The following ZCCHC7 variants were observed in gnomAD, a reference collection of about 807,000 sequenced individuals.
The protein encoded by ZCCHC7 is zinc finger CCHC-type containing 7, also known as zinc finger CCHC domain-containing protein 7.
In ZCCHC7, 35 loss-of-function variants were observed where a neutral mutation model predicts 52.0. The ratio of observed to expected loss-of-function variants is 0.67; its 90% CI spans 0.51 to 0.89. ZCCHC7 has a LOEUF of 0.89. Among genes scored for constraint, ZCCHC7 ranks in the 40% least tolerant of loss-of-function variants. ZCCHC7 has a pLI of 0.00. For synonymous variants in ZCCHC7, 217 were observed against 221.5 expected (o/e 0.98, Z 0.18); for missense variants, 574 against 649.1 (o/e 0.88, Z 1.26).
At chr9:37,135,105 G>A (rs1301036528) in intron 2 of ZCCHC7, among the ~76,000 whole-genome samples, 1 of 152,000 alleles carries the variant, frequency 6.6e-6, no homozygotes, top group South Asian at 2.1e-4. Context: ...ATATCCTGGC[G>A]ATCAATCCAT....
intron 2 of ZCCHC7, among the ~76,000 whole-genome samples, chr9:37,246,086 T>G (rs1326140975): frequency 6.6e-6 from 1 of 152,066 alleles, no homozygotes; most frequent in East Asian, 1.9e-4. Flanking sequence ...ATAGCAGGGG[T>G]TGGGCAGATG....
At chr9:37,341,941 T>G (rs567447687) in intron 6 of ZCCHC7, among the ~76,000 whole-genome samples, 14 of 152,126 alleles carry the variant, frequency 9.2e-5, no homozygotes, top group Non-Finnish European at 1.5e-4. Flanking sequence ...GGATGCAAAT[T>G]ACAGGCCATT....
chr9:37,244,705 T>A (rs1356813850), intron 2 of ZCCHC7, among the ~76,000 whole-genome samples: 1 of 151,922 alleles, frequency 6.6e-6, no homozygotes, highest in Non-Finnish European at 1.5e-5. Context: ...TTGCACTGTT[T>A]GTTGGCTATG....
At chr9:37,241,482 A>T (rs1825871146) in intron 2 of ZCCHC7, among the ~76,000 whole-genome samples, 1 of 151,854 alleles carries the variant, frequency 6.6e-6, no homozygotes, top group African/African-American at 2.4e-5. Flanking sequence ...AGCAAAAAAG[A>T]TATGTAAATT....
At chr9:37,347,022 A>G (rs908541409) in intron 6 of ZCCHC7, among the ~76,000 whole-genome samples, 4 of 152,138 alleles carry the variant, frequency 2.6e-5, no homozygotes, top group African/African-American at 9.7e-5. Context: ...GCAGACTAGC[A>G]CTGTTTGTTA....
Position 37,217,486 on chromosome 9 carries a change from A to AT in ZCCHC7, c.611-84698dup, listed in dbSNP as rs1388560879. Among the ~76,000 whole-genome samples the AT allele has an allele frequency of 2.6e-5, 4 of 152,128 alleles. No homozygotes were observed. The East Asian group carries it at 7.7e-4, about 29-fold the overall frequency. On this transcript the variant is annotated intron_variant, in intron 2 of 8. Coordinates refer to ENST00000336755, the MANE Select transcript of ZCCHC7 (RefSeq NM_032226.3). The stretch of plus-strand genomic sequence containing the variant: ...ATAATACAAAAATAAAACCTATAGT[A>AT]TTTTGGCACCTTATAAAGCTCCCCT...
At chr9:37,213,530 A>C (rs1824348345) in intron 2 of ZCCHC7, among the ~76,000 whole-genome samples, 1 of 152,128 alleles carries the variant, frequency 6.6e-6, no homozygotes, top group Non-Finnish European at 1.5e-5. Flanking sequence ...CAAGGTGTCA[A>C]ATTCAGAATA....
At chr9:37,196,529 T>C (rs944202146) in intron 2 of ZCCHC7, among the ~76,000 whole-genome samples, 3 of 152,194 alleles carry the variant, frequency 2.0e-5, no homozygotes, top group Non-Finnish European at 4.4e-5. Flanking sequence ...TGGGACTTAT[T>C]ATAGTAGAAC....
chr9:37,169,390 G>T (rs1821605127), intron 2 of ZCCHC7, among the ~76,000 whole-genome samples: 1 of 152,284 alleles, frequency 6.6e-6, no homozygotes, highest in East Asian at 1.9e-4. Flanking sequence ...TCACTTGGGG[G>T]CCTACCCGCT....
intron 2 of ZCCHC7, among the ~76,000 whole-genome samples, chr9:37,139,084 A>C (rs1367971207): frequency 1.3e-5 from 2 of 151,978 alleles, no homozygotes; most frequent in Admixed American, 1.3e-4. Context: ...GACTTTACTA[A>C]ATTTAATTTC....
intron 2 of ZCCHC7, among the ~76,000 whole-genome samples, chr9:37,228,393 T>A (rs113940640): frequency 0.065 from 9,959 of 152,146 alleles, 728 homozygotes; most frequent in African/African-American, 0.18. Flanking sequence ...TTATTTATTT[T>A]TTTTTTTGAG....
chr9:37,171,954 C>G (rs1460113029), intron 2 of ZCCHC7, among the ~76,000 whole-genome samples: 2 of 152,128 alleles, frequency 1.3e-5, no homozygotes, highest in Admixed American at 1.3e-4. Flanking sequence ...GCAGTTTACT[C>G]TATTCATGGG....
rs1359793071 is a variant in ZCCHC7, at chr9:37,354,409, G to A, written c.1084-301G>A. Among the ~76,000 whole-genome samples, 25 of 152,084 alleles carry A rather than the reference G, an allele frequency of 1.6e-4. No homozygotes were observed. The highest frequency in any genetic ancestry group is 8.8e-5 in the Non-Finnish European group (6 of 68,024). ...AATAACATAAACCCACTAACAGAGC[G>A]GCAAGGCTGCTACCTCAGACTGTGA... is the stretch of plus-strand genomic sequence containing the variant. On this transcript the variant is annotated intron_variant, in intron 7 of 8. Coordinates refer to ENST00000336755, the MANE Select transcript of ZCCHC7 (RefSeq NM_032226.3). This position sits in a 1 kb window ranked among gnomAD's most constrained non-coding sequence, Gnocchi z 4.0.
chr9:37,193,443 G>A (rs1823121261), intron 2 of ZCCHC7, among the ~76,000 whole-genome samples: 1 of 152,058 alleles, frequency 6.6e-6, no homozygotes, highest in African/African-American at 2.4e-5. Context: ...AAGATGTTCA[G>A]AAAGTCTTAT....
intron 2 of ZCCHC7, among the ~76,000 whole-genome samples, chr9:37,225,196 G>A (rs1825030858): frequency 6.6e-6 from 1 of 152,068 alleles, no homozygotes; most frequent in Admixed American, 6.6e-5. Flanking sequence ...AAATTTTATG[G>A]AAAATCAATA....
chr9:37,132,682 C>T (rs991355727), intron 2 of ZCCHC7, among the ~76,000 whole-genome samples: 3 of 152,050 alleles, frequency 2.0e-5, no homozygotes, highest in African/African-American at 4.8e-5. Context: ...TGCTCAAGTC[C>T]CTGATATAAA....
chr9:37,346,268 A>T (rs992576502), intron 6 of ZCCHC7, among the ~76,000 whole-genome samples: 1 of 152,162 alleles, frequency 6.6e-6, no homozygotes, highest in Non-Finnish European at 1.5e-5. Context: ...CTCCCAAAGT[A>T]CAGGGATTAT....
chr9:37,318,858 A>G (rs1199193082), intron 5 of ZCCHC7, among the ~76,000 whole-genome samples: 1 of 151,534 alleles, frequency 6.6e-6, no homozygotes, highest in Non-Finnish European at 1.5e-5. Context: ...TCAGAGAATC[A>G]CTTGAACCCA....
intron 2 of ZCCHC7, among the ~76,000 whole-genome samples, chr9:37,233,042 C>T (rs1298043201): frequency 6.6e-6 from 1 of 152,010 alleles, no homozygotes. Context: ...ATTTCATTTC[C>T]AAATCAAATG....
Sources: allele counts gnomAD v4.1 joint callset (sites outside exome capture counted in the v4.1 genomes callset), GRCh38; gene constraint gnomAD v4.1.1; non-coding constraint Gnocchi (gnomAD v3.1); transcripts MANE v1.5; gene names NCBI Gene and HGNC (gene_info 2026-07-23, HGNC 2026-07-21).